Variants in CIT observed in about 807,000 individuals in gnomAD.
CIT encodes the protein citron rho-interacting serine/threonine kinase.
A neutral mutation model predicts 272.7 loss-of-function variants in CIT; 79 were observed. That is an observed-to-expected ratio of 0.29 (90% CI 0.24 to 0.35). The LOEUF is 0.35. Ranked by LOEUF, CIT falls within the 10% of genes least tolerant of loss-of-function variation. The pLI is 1.00. For missense variants in CIT, 1,909 were observed against 2,618.3 expected, an observed-to-expected ratio of 0.73 and a Z score of 5.91; for synonymous variants, 948 against 995.6, an observed-to-expected ratio of 0.95 and a Z score of 0.90.
At chr12:119,745,693 A>G (rs1029973921) in intron 23 of CIT, among the ~76,000 whole-genome samples, 2 of 152,188 alleles carry the variant, frequency 1.3e-5, no homozygotes, top group Admixed American at 1.3e-4. Context: ...AAGAAAAGAT[A>G]AATGTTTGAG....
rs376511638 is a variant in CIT, at chr12:119,713,680, T to C, written c.4307-32A>G. On this transcript the variant is annotated intron_variant, in intron 33 of 47. Coordinates refer to ENST00000392521, the MANE Select transcript of CIT (RefSeq NM_001206999.2). This position sits in a 1 kb window ranked among gnomAD's most constrained non-coding sequence, Gnocchi z 5.2. ...AAGAACAGTGAGCAACCTGAGGGCA[T>C]GCTCAGCTGACCCTGGACCCTTCCC... is the stretch of plus-strand genomic sequence containing the variant. 16 of 1,610,922 alleles carry C rather than the reference T, an allele frequency of 9.9e-6. No homozygotes were observed. Among genetic ancestry groups the C allele is most frequent in the Non-Finnish European group, 1.4e-5 (16 of 1,177,190 alleles).
intron 5 of CIT, among the ~76,000 whole-genome samples, chr12:119,836,675 A>G (rs1969042859): frequency 6.6e-6 from 1 of 152,222 alleles, no homozygotes; most frequent in Non-Finnish European, 1.5e-5. Flanking sequence ...ACAGTTATAA[A>G]TTTCCTATGG....
Position 119,803,256 on chromosome 12 carries a change from C to G in CIT, c.1245G>C (p.Pro415=), listed in dbSNP as rs146064873. 6.2e-6 allele frequency: 10 copies of G among 1,603,738 alleles called. No homozygotes were observed. In the African/African-American group the frequency reaches 1.2e-4, roughly 20 times the overall value. ...SPSGFSGEEL[P]FVGFSYSKAL... ...CCTTGCTGTACGAAAACCCCACAAACGGCAGTTCTTCACCCGAGAAGCCTG... is the reference window on the plus strand; with the variant it reads ...CCTTGCTGTACGAAAACCCCACAAAGGGCAGTTCTTCACCCGAGAAGCCTG... Residue 415 remains proline (P), a synonymous_variant, in exon 10 of 48, where the codon CCG becomes CCC. Coordinates refer to ENST00000392521, the MANE Select transcript of CIT (RefSeq NM_001206999.2).
At chr12:119,821,529 T>C (rs1967721603) in intron 9 of CIT, among the ~76,000 whole-genome samples, 1 of 152,178 alleles carries the variant, frequency 6.6e-6, no homozygotes, top group Non-Finnish European at 1.5e-5. Flanking sequence ...GGGGGACTAC[T>C]TTAACTCTAC....
In CIT at chr12:119,713,751, C is replaced by G. The variant is rs1283015984; in HGVS notation, c.4307-103G>C. Reference sequence around the variant, plus strand: ...TGGGCTTCTCTACCCCAGCCGGGCCCAGAGAGTCTGGCCCTGGCTTGCAGG... The same window carrying G: ...TGGGCTTCTCTACCCCAGCCGGGCCGAGAGAGTCTGGCCCTGGCTTGCAGG... On this transcript the variant is annotated intron_variant, in intron 33 of 47. Transcript: ENST00000392521. The surrounding 1 kb of genome is among the most constrained non-coding windows in gnomAD (Gnocchi z 5.2). 1.6e-6 allele frequency: 2 copies of G among 1,261,008 alleles called. No homozygotes were observed. Among genetic ancestry groups the G allele is most frequent in the Non-Finnish European group, 2.3e-6 (2 of 870,202 alleles). The allele number at this position is 1,261,008 out of a possible 1,614,324, so 78.1% of individuals were successfully genotyped here.
intron 30 of CIT, among the ~76,000 whole-genome samples, chr12:119,719,926 C>T (rs1303327420): frequency 6.6e-6 from 1 of 152,162 alleles, no homozygotes; most frequent in Non-Finnish European, 1.5e-5. Context: ...TTGTCTCCTG[C>T]AATCTAAAAG....
chr12:119,741,430 C>T (rs1265874052), intron 24 of CIT, among the ~76,000 whole-genome samples: 1 of 152,174 alleles, frequency 6.6e-6, no homozygotes, highest in Non-Finnish European at 1.5e-5. Context: ...ACCCAGTTGT[C>T]TATCTGTGTA....
In CIT at chr12:119,832,836, C is replaced by A; in HGVS notation, c.688G>T (p.Asp230Tyr). The change falls in exon 7 of 48, where the codon GAC becomes TAC. Residue 230 changes from aspartate (D) to tyrosine (Y), a missense_variant. By Grantham distance (160) the Asp-to-Tyr change is radical (BLOSUM62 -3). Around this residue, in one of 8 missense-constraint regions of CIT, gnomAD observed 529 missense variants for 549.6 expected, o/e 0.96. Transcript: ENST00000392521. ...ACCAGCTTGATGTGTCCTGTGCGGT[C>A]AACGAGAATGTTCTCAGGCTTGATG... ...RDIKPENILV[D>Y]RTGHIKLVDF... 1 of 1,613,998 alleles carries A rather than the reference C, an allele frequency of 6.2e-7. No homozygotes were observed. Among genetic ancestry groups the A allele is most frequent in the South Asian group, 1.1e-5 (1 of 91,040 alleles).
intron 21 of CIT, among the ~76,000 whole-genome samples, chr12:119,757,779 A>G (rs1239076752): frequency 6.6e-6 from 1 of 152,184 alleles, no homozygotes; most frequent in Non-Finnish European, 1.5e-5. Flanking sequence ...TATGGGATTA[A>G]GTAAGGTCCA....
chr12:119,870,645 G>A (rs1566152026), intron 2 of CIT, among the ~76,000 whole-genome samples: 2 of 151,486 alleles, frequency 1.3e-5, no homozygotes, highest in Admixed American at 6.6e-5. Flanking sequence ...CCAGGGGTGT[G>A]CAATCTGTAG....
At chr12:119,756,947 G>A (rs891682119) in intron 22 of CIT, among the ~76,000 whole-genome samples, 3 of 152,126 alleles carry the variant, frequency 2.0e-5, no homozygotes, top group African/African-American at 7.2e-5. Flanking sequence ...TGGTCAACAT[G>A]GCAAAACCCT....
chr12:119,742,741 G>A, intron 23 of CIT: 1 of 288,550 alleles, frequency 3.5e-6, no homozygotes, highest in Non-Finnish European at 6.4e-6. Flanking sequence ...CAGGCTATTA[G>A]GAGAAAAGGG....
chr12:119,726,016 G>A (rs911400108), intron 28 of CIT, among the ~76,000 whole-genome samples: 2 of 42,922 alleles, frequency 4.7e-5, no homozygotes, highest in Admixed American at 7.0e-4. Flanking sequence ...ATATACGTGT[G>A]TGTGTGTGTG....
chr12:119,739,180 A>G (rs1958938317), intron 24 of CIT, among the ~76,000 whole-genome samples: 1 of 152,154 alleles, frequency 6.6e-6, no homozygotes, highest in Non-Finnish European at 1.5e-5. Context: ...TTTATTTTTA[A>G]TCTTATAGCT....
chr12:119,730,101 A>G (rs1317216392), intron 27 of CIT, among the ~76,000 whole-genome samples: 1 of 152,180 alleles, frequency 6.6e-6, no homozygotes, highest in Non-Finnish European at 1.5e-5. Flanking sequence ...TGAGCTGCCT[A>G]TTACTGCAGC....
At chr12:119,870,321 C>G (rs61945774) in intron 2 of CIT, among the ~76,000 whole-genome samples, 1 of 151,904 alleles carries the variant, frequency 6.6e-6, no homozygotes, top group Non-Finnish European at 1.5e-5. Flanking sequence ...GAGGCCAAGA[C>G]GGGTGGATCA....
At chr12:119,742,271 A>C (rs1291587195) in intron 24 of CIT, 140 bp downstream of exon 24, 1 of 568,020 alleles carries the variant, frequency 1.8e-6, no homozygotes, top group Non-Finnish European at 2.9e-6. Flanking sequence ...AAAACTCCAA[A>C]TAAGGTTGAT....
chr12:119,786,170 G>C (rs370037321), intron 10 of CIT, among the ~76,000 whole-genome samples: 2 of 152,124 alleles, frequency 1.3e-5, no homozygotes, highest in Admixed American at 1.3e-4. Context: ...TTGAGGCCCA[G>C]AGAGGTTACG....
At chr12:119,861,099 G>A (rs992641729) in intron 3 of CIT, among the ~76,000 whole-genome samples, 6 of 150,550 alleles carry the variant, frequency 4.0e-5, no homozygotes, top group African/African-American at 1.5e-4. Context: ...CCAGCCTAGG[G>A]GATACAGCGA....
Sources: gnomAD v4.1 joint callset for allele counts (sites outside exome capture counted in the v4.1 genomes callset) on GRCh38, gnomAD v4.1.1 for gene constraint, gnomAD v4.1.1 regional missense constraint, Gnocchi (gnomAD v3.1) non-coding constraint, MANE v1.5 for transcripts, NCBI Gene and HGNC (gene_info 2026-07-23, HGNC 2026-07-21) for gene names.